The following DYNC2I1 variants were observed in gnomAD, a reference collection of about 807,000 sequenced individuals.
The protein encoded by DYNC2I1 is dynein 2 intermediate chain 1, also known as cytoplasmic dynein 2 intermediate chain 1.
In DYNC2I1, 89 loss-of-function variants were observed where a neutral mutation model predicts 133.4. The observed-to-expected ratio is 0.67, with a 90% CI of 0.56 to 0.80. The LOEUF (loss-of-function observed/expected upper bound fraction) is 0.80, where lower values mean the gene tolerates loss of function less well. DYNC2I1 is among the 30% of genes least tolerant of loss of function. The pLI is 0.00. For missense variants in DYNC2I1, 1,291 were observed against 1,314.5 expected (o/e 0.98, Z 0.28); for synonymous variants, 504 against 484.3 (o/e 1.04, Z -0.54).
chr7:158,875,239 C>T (rs1054761697), intron 3 of DYNC2I1, among the ~76,000 whole-genome samples: 7 of 151,952 alleles, frequency 4.6e-5, no homozygotes, highest in Non-Finnish European at 7.4e-5. Context: ...GGATTACAGG[C>T]GCACGCCACG....
At chr7:158,930,062 T>A (rs2657365) in intron 20 of DYNC2I1, among the ~76,000 whole-genome samples, 99,617 of 151,958 alleles carry the variant, frequency 0.66, 33,088 homozygotes, top group Non-Finnish European at 0.7. Flanking sequence ...GTCCTGCAAG[T>A]TTCCTGTAGG....
rs373491219 is a variant in DYNC2I1, at chr7:158,956,262, C to T, written c.*57-321C>T. 5.9e-5 allele frequency among the ~76,000 whole-genome samples: 9 copies of T among 152,332 alleles called. No homozygotes were observed. The East Asian group carries it at 7.7e-4, about 13-fold the overall frequency. Reference sequence around the variant, plus strand: ...CGCATAATCTGCCCCGTGCAGAATACGTGTCCAGCACGACCCTGAATCAGG... The same window carrying T: ...CGCATAATCTGCCCCGTGCAGAATATGTGTCCAGCACGACCCTGAATCAGG... On this transcript the variant is annotated intron_variant and NMD_transcript_variant, in intron 4 of 4. Coordinates refer to the DYNC2I1 transcript ENST00000454771.
chr7:158,893,033 C>T (rs949568908), intron 8 of DYNC2I1, among the ~76,000 whole-genome samples: 1 of 151,970 alleles, frequency 6.6e-6, no homozygotes, highest in African/African-American at 2.4e-5. Context: ...TATCAATGTA[C>T]CCTACCAGAG....
At chr7:158,955,114 A>G (rs1440910497) in intron 4 of DYNC2I1, among the ~76,000 whole-genome samples, 1 of 152,248 alleles carries the variant, frequency 6.6e-6, no homozygotes, top group African/African-American at 2.4e-5. Flanking sequence ...ATACCTGAAG[A>G]GGCACGTTGA....
intron 11 of DYNC2I1, among the ~76,000 whole-genome samples, chr7:158,910,775 CTG>C (rs1847364018): frequency 6.8e-6 from 1 of 148,116 alleles, no homozygotes; most frequent in South Asian, 2.2e-4. Context: ...GGGCCATTGG[CTG>C]TGTCAGGCCT....
At chr7:158,923,759 T>A in intron 17 of DYNC2I1, 26 bp downstream of exon 17, 1 of 1,588,042 alleles carries the variant, frequency 6.3e-7, no homozygotes, top group East Asian at 2.3e-5. Flanking sequence ...CTGCCAATTG[T>A]GTGTCTGCTA....
chr7:158,882,575 C>G (rs2709858), intron 5 of DYNC2I1, among the ~76,000 whole-genome samples: 21,918 of 151,876 alleles, frequency 0.14, 1,830 homozygotes, highest in Middle Eastern at 0.24. Context: ...ACAGTAAGAC[C>G]TTGTCTTAAA....
the DYNC2I1 span, among the ~76,000 whole-genome samples, chr7:158,846,896 A>G: frequency 6.6e-6 from 1 of 152,230 alleles, no homozygotes; most frequent in South Asian, 2.1e-4. Flanking sequence ...GGAAAATGAA[A>G]AAATCTTTTG....
At chr7:158,872,384 G>C (rs1037952827) in intron 3 of DYNC2I1, among the ~76,000 whole-genome samples, 4 of 152,342 alleles carry the variant, frequency 2.6e-5, no homozygotes, top group Non-Finnish European at 4.4e-5. Flanking sequence ...TGTAATCCCA[G>C]CACTTTGGGA....
chr7:158,911,450 A>G, intron 11 of DYNC2I1, 100 bp from the exon 12 acceptor site: 17 of 1,324,294 alleles, frequency 1.3e-5, no homozygotes, highest in African/African-American at 2.9e-5. Context: ...GTTTCTGACA[A>G]TAACATGCAT....
At chr7:158,884,684 T>A (rs893495276) in intron 6 of DYNC2I1, 65 bp downstream of exon 6, 39 of 1,561,504 alleles carry the variant, frequency 2.5e-5, no homozygotes, top group Non-Finnish European at 3.1e-5. Context: ...CTTCAGGGAA[T>A]TTTCTTATTG....
upstream of DYNC2I1, among the ~76,000 whole-genome samples, chr7:158,855,934 CTTTTCT>C (rs1340387494): frequency 2.1e-5 from 3 of 142,780 alleles, no homozygotes; most frequent in African/African-American, 5.3e-5. Flanking sequence ...ATGTAAAGCT[CTTTTCT>C]TTTTTTTTTT....
At chr7:158,917,307 T>G (rs116501929) in intron 14 of DYNC2I1, among the ~76,000 whole-genome samples, 2,664 of 151,298 alleles carry the variant, frequency 0.018, 140 homozygotes, top group African/African-American at 0.063. Flanking sequence ...AGGATGATTG[T>G]GAGACGTCAC....
At chr7:158,874,393 C>T (rs1027852277) in intron 3 of DYNC2I1, among the ~76,000 whole-genome samples, 17 of 152,128 alleles carry the variant, frequency 1.1e-4, no homozygotes, top group Middle Eastern at 3.2e-3. Flanking sequence ...TTAATTTTAA[C>T]AGTAGCTGTC....
At chr7:158,909,351 AAAAAGAT>A (rs1563149034) in intron 11 of DYNC2I1, among the ~76,000 whole-genome samples, 1 of 151,610 alleles carries the variant, frequency 6.6e-6, no homozygotes, top group Non-Finnish European at 1.5e-5. Flanking sequence ...AAAAAAAAAA[AAAAAGAT>A]AATACTTCAG....
intron 4 of DYNC2I1, among the ~76,000 whole-genome samples, chr7:158,953,853 A>G (rs541596506): frequency 6.6e-5 from 10 of 152,048 alleles, no homozygotes; most frequent in African/African-American, 2.4e-4. Flanking sequence ...TATGTTATAT[A>G]TATGCCTAAA....
At chr7:158,934,027 G>T in intron 21 of DYNC2I1, 102 bp from the exon 22 acceptor site, 1 of 789,756 alleles carries the variant, frequency 1.3e-6, no homozygotes. Context: ...GACATGGCCT[G>T]TTATACATCG....
At chr7:158,848,137 G>A in the DYNC2I1 span, among the ~76,000 whole-genome samples, 4 of 152,188 alleles carry the variant, frequency 2.6e-5, no homozygotes, top group Non-Finnish European at 5.9e-5. Context: ...TGCACAAGAG[G>A]TTATTCCCAA....
intron 7 of DYNC2I1, among the ~76,000 whole-genome samples, chr7:158,890,630 T>C (rs1162311294): frequency 4.6e-5 from 7 of 151,904 alleles, no homozygotes; most frequent in African/African-American, 1.7e-4. Flanking sequence ...TGAGTTTCGC[T>C]CTTGTCGCAC....
Sources: allele counts gnomAD v4.1 joint callset (sites outside exome capture counted in the v4.1 genomes callset), GRCh38; gene constraint gnomAD v4.1.1; transcripts MANE v1.5; gene names NCBI Gene and HGNC (gene_info 2026-07-23, HGNC 2026-07-21).